Variants in CELF4 observed in about 807,000 individuals in gnomAD.
The protein encoded by CELF4 is CUGBP Elav-like family member 4.
Under a neutral mutation model 59.9 loss-of-function variants are expected in CELF4, and 18 were observed. The observed-to-expected ratio is 0.30, with a 90% CI of 0.21 to 0.45. CELF4 has a LOEUF of 0.45. CELF4 is among the 20% of genes least tolerant of loss of function. The pLI is 1.00. For synonymous variants in CELF4, 261 were observed against 267.1 expected (o/e 0.98, Z 0.22); for missense variants, 456 against 689.0 (o/e 0.66, Z 3.79).
intron 2 of CELF4, among the ~76,000 whole-genome samples, chr18:37,484,287 A>G (rs765831352): frequency 6.6e-6 from 1 of 152,202 alleles, no homozygotes; most frequent in Non-Finnish European, 1.5e-5. Context: ...CACACATAAC[A>G]TGGGGCGATG....
intron 2 of CELF4, among the ~76,000 whole-genome samples, chr18:37,460,213 G>C (rs1445507322): frequency 6.6e-6 from 1 of 152,154 alleles, no homozygotes; most frequent in Non-Finnish European, 1.5e-5. Context: ...TAGGAAGTCT[G>C]TGATATGAAA....
intron 1 of CELF4, among the ~76,000 whole-genome samples, chr18:37,487,527 C>G (rs2099883669): frequency 6.6e-6 from 1 of 152,186 alleles, no homozygotes; most frequent in Non-Finnish European, 1.5e-5. Flanking sequence ...CACTGGCAGA[C>G]TGTTATTGAT....
Position 37,283,013 on chromosome 18 carries a change from G to A in CELF4, c.449-7770C>T, listed in dbSNP as rs1490871308. ...GGGATCAGGACGTGTTTGGGGGCCT[G>A]CAATGGGATGCAAATGAAGACCCTC... is the stretch of plus-strand genomic sequence containing the variant. On this transcript the variant is annotated intron_variant, in intron 3 of 12. Transcript: ENST00000420428. Among the ~76,000 whole-genome samples the A allele has an allele frequency of 5.3e-5, 8 of 152,122 alleles. No individual in the cohort carries two copies. The South Asian group carries it at 1.7e-3, about 32-fold the overall frequency.
At chr18:37,278,226 C>G (rs894440770) in intron 3 of CELF4, among the ~76,000 whole-genome samples, 3 of 152,198 alleles carry the variant, frequency 2.0e-5, no homozygotes, top group Admixed American at 6.5e-5. Flanking sequence ...TCCTCCCCAT[C>G]TGGATTTCCC....
At chr18:37,431,616 G>T (rs1008327641) in intron 2 of CELF4, among the ~76,000 whole-genome samples, 1 of 151,984 alleles carries the variant, frequency 6.6e-6, no homozygotes, top group Admixed American at 6.6e-5. Context: ...TGATCTGCCC[G>T]CCTCGGCCTC....
chr18:37,449,138 C>T (rs1158827767), intron 2 of CELF4, among the ~76,000 whole-genome samples: 1 of 152,164 alleles, frequency 6.6e-6, no homozygotes, highest in African/African-American at 2.4e-5. Context: ...GCTCAGTAGC[C>T]TAGGTGTTCA....
At chr18:37,296,707 C>T (rs556664175) in intron 3 of CELF4, among the ~76,000 whole-genome samples, 30 of 152,260 alleles carry the variant, frequency 2.0e-4, no homozygotes, top group Non-Finnish European at 3.5e-4. Flanking sequence ...AATCTTGAAA[C>T]GCTAACAGCC....
chr18:37,344,856 T>C (rs989091119), intron 2 of CELF4, among the ~76,000 whole-genome samples: 6 of 152,222 alleles, frequency 3.9e-5, no homozygotes, highest in Non-Finnish European at 8.8e-5. Flanking sequence ...CCTTGCAGCA[T>C]CCTGGATTTC....
chr18:37,365,071 G>A (rs992673685), intron 2 of CELF4, among the ~76,000 whole-genome samples: 1 of 152,182 alleles, frequency 6.6e-6, no homozygotes, highest in Non-Finnish European at 1.5e-5. Flanking sequence ...ATGATTTATA[G>A]GATAGGATGG....
At chr18:37,539,942 AG>A (rs2099976587) in intron 1 of CELF4, among the ~76,000 whole-genome samples, 1 of 152,196 alleles carries the variant, frequency 6.6e-6, no homozygotes, top group South Asian at 2.1e-4. Context: ...CACATTAGAG[AG>A]CTGGACAATA....
rs143407310 is a variant in CELF4, at chr18:37,253,838, C to T, written c.1434G>A (p.Arg478=). The T allele has an allele frequency of 2.2e-4, 350 of 1,606,508 alleles. No homozygotes were observed. The African/African-American group carries it at 4.4e-3, about 20-fold the overall frequency. ...GMKRLKVQLK[R]PKDANRPY Reference sequence around the variant, plus strand: ...AGTACGGGCGATTGGCGTCTTTGGGCCGCTTCAGCTGCACCTTGAGCCTCT... The same window carrying T: ...AGTACGGGCGATTGGCGTCTTTGGGTCGCTTCAGCTGCACCTTGAGCCTCT... The change falls in exon 12 of 13, where the codon CGG becomes CGA. Residue 478 remains arginine (R), a synonymous_variant. Transcript: ENST00000420428. This position sits in a 1 kb window ranked among gnomAD's most constrained non-coding sequence, Gnocchi z 4.5.
intron 2 of CELF4, among the ~76,000 whole-genome samples, chr18:37,390,514 C>T (rs899899832): frequency 3.3e-5 from 5 of 152,084 alleles, no homozygotes; most frequent in Non-Finnish European, 7.3e-5. Context: ...AAGGCATGGC[C>T]TGTTGACTGC....
intron 2 of CELF4, among the ~76,000 whole-genome samples, chr18:37,334,753 G>A (rs571358938): frequency 4.0e-4 from 61 of 151,912 alleles, no homozygotes; most frequent in Non-Finnish European, 7.1e-4. Context: ...TCTCTCTCCT[G>A]TGGCTCCCGG....
chr18:37,529,117 C>T (rs1347096970), intron 1 of CELF4: 2 of 152,128 alleles, frequency 1.3e-5, no homozygotes, highest in Non-Finnish European at 2.9e-5. Flanking sequence ...CTGGGCAAGT[C>T]GCTCAGGTGC....
At chr18:37,256,866 T>C (rs2069922306) in intron 11 of CELF4, among the ~76,000 whole-genome samples, 2 of 152,336 alleles carry the variant, frequency 1.3e-5, no homozygotes, top group East Asian at 3.9e-4. Context: ...ATTATAGGCA[T>C]GAGCCACTGC....
At chr18:37,260,163 C>A (rs925116990) in intron 10 of CELF4, among the ~76,000 whole-genome samples, 1 of 152,186 alleles carries the variant, frequency 6.6e-6, no homozygotes, top group South Asian at 2.1e-4. Context: ...GGGCCTGGAG[C>A]CAGGACATGA....
At chr18:37,390,959 C>T (rs1050404752) in intron 2 of CELF4, among the ~76,000 whole-genome samples, 38 of 152,100 alleles carry the variant, frequency 2.5e-4, no homozygotes, top group African/African-American at 7.5e-4. Context: ...CTGCAGGGAG[C>T]GGGCCACCCG....
In CELF4 at chr18:37,254,531, C is replaced by T. The variant is rs554459004; in HGVS notation, c.1334-593G>A. ...TGAGCCCTCGCGGGCCCTCCGCCCC[C>T]ACTCCCGGCCTCTGCCCGCCCCGCC... On this transcript the variant is annotated intron_variant, in intron 11 of 12. Transcript: ENST00000420428. This position sits in a 1 kb window ranked among gnomAD's most constrained non-coding sequence, Gnocchi z 5.1. 1.7e-4 allele frequency among the ~76,000 whole-genome samples: 26 copies of T among 152,212 alleles called. No individual in the cohort carries two copies. Among genetic ancestry groups the T allele is most frequent in the Non-Finnish European group, 2.8e-4 (19 of 67,966 alleles).
At chr18:37,289,280 T>C (rs1385553119) in intron 3 of CELF4, among the ~76,000 whole-genome samples, 1 of 152,024 alleles carries the variant, frequency 6.6e-6, no homozygotes, top group African/African-American at 2.4e-5. Flanking sequence ...GAGGTCAGGC[T>C]GCACTGCCTC....
Sources: allele counts gnomAD v4.1 joint callset (sites outside exome capture counted in the v4.1 genomes callset), GRCh38; gene constraint gnomAD v4.1.1; non-coding constraint Gnocchi (gnomAD v3.1); transcripts MANE v1.5; gene names NCBI Gene and HGNC (gene_info 2026-07-23, HGNC 2026-07-21).